Variants in TMEM130 observed in about 807,000 individuals in gnomAD.
The protein encoded by TMEM130 is transmembrane protein 130.
TMEM130 carries 37 observed loss-of-function variants against 42.9 expected under a neutral mutation model. The ratio of observed to expected loss-of-function variants is 0.86; its 90% CI spans 0.66 to 1.13. The LOEUF (loss-of-function observed/expected upper bound fraction) is 1.13, where lower values mean the gene tolerates loss of function less well. Ranked by LOEUF, TMEM130 falls within the 50% of genes most tolerant of loss-of-function variation. TMEM130 has a pLI of 0.00. For synonymous variants in TMEM130, 259 were observed against 237.7 expected, an observed-to-expected ratio of 1.09 and a Z score of -0.82; for missense variants, 545 against 562.6, an observed-to-expected ratio of 0.97 and a Z score of 0.32.
chr7:98,850,271 A>ATTTTTTTTTTTTTTTTTTTTT (rs1290884464), intron 6 of TMEM130, among the ~76,000 whole-genome samples: 1 of 33,880 alleles, frequency 3.0e-5, no homozygotes, highest in African/African-American at 7.7e-5. Context: ...ATATATATAT[A>ATTTTTTTTTTTTTTTTTTTTT]TATTTTTTTT....
intron 1 of TMEM130, among the ~76,000 whole-genome samples, chr7:98,865,438 G>A (rs911986494): frequency 2.6e-5 from 4 of 152,048 alleles, no homozygotes; most frequent in South Asian, 2.1e-4. Context: ...AGAAACCCCC[G>A]TTTCTACTAA....
Position 98,869,914 on chromosome 7 carries a change from GGAGCTC to G in TMEM130, c.-59_-54del. 1 of 1,237,282 alleles carries G rather than the reference GGAGCTC, an allele frequency of 8.1e-7. No homozygotes were observed. The highest frequency in any genetic ancestry group is 1.0e-6 in the Non-Finnish European group (1 of 971,324). 76.6% of individuals were successfully genotyped at this position (1,237,282 alleles called of 1,614,324 possible). ...GGGCGGACGCGGAGGGAATGCAGCT[GGAGCTC>G]GAGAACTGCGGCGGTCGCTCCTCCG... On this transcript the variant is annotated 5_prime_UTR_variant, in exon 1 of 8. Coordinates refer to ENST00000339375, the MANE Select transcript of TMEM130 (RefSeq NM_152913.3). This position sits in a 1 kb window ranked among gnomAD's most constrained non-coding sequence, Gnocchi z 4.7.
rs1300772869 is a variant in TMEM130, at chr7:98,869,377, C to A, written c.85+400G>T. ...GCAAAAACGTTGCCCATCCCGTGCT[C>A]CCTGGGGGACTGGGGAATTGTGGCG... On this transcript the variant is annotated intron_variant, in intron 1 of 7. Coordinates refer to ENST00000339375, the MANE Select transcript of TMEM130 (RefSeq NM_152913.3). This position sits in a 1 kb window ranked among gnomAD's most constrained non-coding sequence, Gnocchi z 4.7. 2.1e-5 allele frequency: 25 copies of A among 1,197,784 alleles called. No individual in the cohort carries two copies. In the Admixed American group the frequency reaches 8.5e-4, roughly 41 times the overall value. The allele number at this position is 1,197,784 out of a possible 1,614,324, so 74.2% of individuals were successfully genotyped here. A position where few individuals can be genotyped will look rare whatever the true frequency, so the allele number is the denominator to read the frequency against.
chr7:98,855,352 C>T (rs1794604348), intron 4 of TMEM130, 28 bp from the exon 5 acceptor site: 2 of 1,595,908 alleles, frequency 1.3e-6, no homozygotes, highest in East Asian at 4.5e-5. Context: ...CCCCGTTAGA[C>T]CTGGTGGCTA....
At chr7:98,856,253 G>A in intron 3 of TMEM130, 70 bp from the exon 4 acceptor site, 1 of 1,491,142 alleles carries the variant, frequency 6.7e-7, no homozygotes, top group East Asian at 2.3e-5. Context: ...TAACTCAGAA[G>A]TGATTCATGG....
At position 98,869,258 on chromosome 7, in the gene TMEM130, A is replaced by G; in HGVS notation, c.85+519T>C. On this transcript the variant is annotated intron_variant, in intron 1 of 7. Coordinates refer to ENST00000339375, the MANE Select transcript of TMEM130 (RefSeq NM_152913.3). The surrounding 1 kb of genome is among the most constrained non-coding windows in gnomAD (Gnocchi z 4.7). ...TTTGGAAATCACCACCAGAGAGGAA[A>G]TGGCAGCCTGGCCTCCTGGGCTCTA... 7.8e-7 allele frequency: 1 copy of G among 1,288,934 alleles called. No individual in the cohort carries two copies. The highest frequency in any genetic ancestry group is 1.0e-6 in the Non-Finnish European group (1 of 988,656). 79.8% of individuals were successfully genotyped at this position (1,288,934 alleles called of 1,614,324 possible).
intron 2 of TMEM130, 22 bp downstream of exon 2, chr7:98,863,073 A>G (rs782013036): frequency 1.3e-6 from 2 of 1,596,196 alleles, no homozygotes; most frequent in South Asian, 1.1e-5. Flanking sequence ...AAGGCAAACT[A>G]GCAAATGGGA....
chr7:98,864,697 G>C (rs142535949), intron 1 of TMEM130, among the ~76,000 whole-genome samples: 1 of 151,814 alleles, frequency 6.6e-6, no homozygotes, highest in Non-Finnish European at 1.5e-5. Context: ...TCAGGAGTTC[G>C]AGACCAGCCT....
intron 4 of TMEM130, 126 bp from the exon 5 acceptor site, chr7:98,855,450 G>C (rs1199851281): frequency 1.2e-6 from 1 of 809,664 alleles, no homozygotes; most frequent in Non-Finnish European, 1.9e-6. Flanking sequence ...GCAGGCCACA[G>C]GTCTGTGCGG....
In TMEM130 at chr7:98,848,107, G is replaced by C; in HGVS notation, c.1221C>G (p.Asn407Lys). Residue 407 changes from asparagine (N) to lysine (K), a missense_variant, in exon 8 of 8, where the codon AAC becomes AAG. Asn to Lys is a moderately conservative substitution (Grantham distance 94, BLOSUM62 0). Coordinates refer to ENST00000339375, the MANE Select transcript of TMEM130 (RefSeq NM_152913.3). The part of the protein sequence containing the change: ...PSEYLEIVRE[N>K]HGLLPPLYKS... ...TATAGAGGGGCGGGAGCAGCCCGTGGTTCTCACGAACAATTTCCAGGTACT... is the reference window on the plus strand; with the variant it reads ...TATAGAGGGGCGGGAGCAGCCCGTGCTTCTCACGAACAATTTCCAGGTACT... 1 of 1,614,140 alleles carries C rather than the reference G, an allele frequency of 6.2e-7. No homozygotes were observed. Among genetic ancestry groups the C allele is most frequent in the South Asian group, 1.1e-5 (1 of 91,088 alleles).
chr7:98,862,702 G>T (rs1204694373), intron 2 of TMEM130, among the ~76,000 whole-genome samples: 1 of 152,032 alleles, frequency 6.6e-6, no homozygotes, highest in Non-Finnish European at 1.5e-5. Context: ...GTTTTGTCAT[G>T]CTGGCCAGAT....
chr7:98,847,887 CAG>C lies in TMEM130; in HGVS notation c.*167_*168del. 1.6e-6 allele frequency: 1 copy of C among 630,922 alleles called. No homozygotes were observed. Among genetic ancestry groups the C allele is most frequent in the African/African-American group, 1.8e-5 (1 of 54,358 alleles). 39.1% of individuals were successfully genotyped at this position (630,922 alleles called of 1,614,324 possible). On this transcript the variant is annotated 3_prime_UTR_variant, in exon 8 of 8. Coordinates refer to ENST00000339375, the MANE Select transcript of TMEM130 (RefSeq NM_152913.3). ...GGTGAATGGCTGGGGTCAGGGGTGA[CAG>C]AGAGGGAGGGGCTTGTGGCAGTGGC...
At chr7:98,865,606 C>CA (rs142797823) in intron 1 of TMEM130, among the ~76,000 whole-genome samples, 1 of 151,970 alleles carries the variant, frequency 6.6e-6, no homozygotes, top group Non-Finnish European at 1.5e-5. Context: ...GAAACTGTCT[C>CA]AAAAAAATTT....
At chr7:98,848,367 G>T in intron 7 of TMEM130, 159 bp from the exon 8 acceptor site, 2 of 863,652 alleles carry the variant, frequency 2.3e-6, no homozygotes, top group Non-Finnish European at 3.6e-6. Context: ...CCACACAGAT[G>T]CAAGAGATGG....
intron 1 of TMEM130, among the ~76,000 whole-genome samples, chr7:98,867,827 CAGGGG>C (rs1472409264): frequency 9.2e-5 from 14 of 152,202 alleles, no homozygotes; most frequent in African/African-American, 2.7e-4. Context: ...CCCTGTTCCT[CAGGGG>C]TCTCAGGGAT....
At chr7:98,862,487 C>CTTTTT (rs57165730) in intron 2 of TMEM130, among the ~76,000 whole-genome samples, 8 of 65,784 alleles carry the variant, frequency 1.2e-4, no homozygotes, top group African/African-American at 3.8e-4. Flanking sequence ...ACAATAATTT[C>CTTTTT]TTTTTTTTTT....
At chr7:98,862,233 A>C (rs1554399864) in intron 2 of TMEM130, among the ~76,000 whole-genome samples, 1 of 151,704 alleles carries the variant, frequency 6.6e-6, no homozygotes, top group Non-Finnish European at 1.5e-5. Flanking sequence ...AATGAGAGAG[A>C]GAGAGAGAGA....
In TMEM130 at chr7:98,863,158, T is replaced by A; in HGVS notation, c.328A>T (p.Thr110Ser). Reference protein sequence around the residue: ...PGEFPVSVWVTAADCWMCQPV... With the variant: ...PGEFPVSVWVSAADCWMCQPV... The stretch of plus-strand genomic sequence containing the variant: ...TGGCACATCCAGCAGTCAGCGGCAG[T>A]GACCCAGACAGAGACCGGGAATTCC... Residue 110 changes from threonine to serine, a missense_variant, in exon 2 of 8, where the codon ACT becomes TCT. Thr to Ser is a moderately conservative substitution (Grantham distance 58). Coordinates refer to ENST00000339375, the MANE Select transcript of TMEM130 (RefSeq NM_152913.3). The A allele has an allele frequency of 6.2e-7, 1 of 1,614,050 alleles. No individual in the cohort carries two copies. Among genetic ancestry groups the A allele is most frequent in the Non-Finnish European group, 8.5e-7 (1 of 1,180,046 alleles).
intron 1 of TMEM130, among the ~76,000 whole-genome samples, chr7:98,868,762 ATTTTCT>A (rs1219938534): frequency 5.3e-5 from 8 of 152,130 alleles, no homozygotes; most frequent in Non-Finnish European, 8.8e-5. Context: ...TTTTGTTATT[ATTTTCT>A]TTTTCTTTTG....
Sources: allele counts gnomAD v4.1 joint callset (sites outside exome capture counted in the v4.1 genomes callset), GRCh38; gene constraint gnomAD v4.1.1; non-coding constraint Gnocchi (gnomAD v3.1); transcripts MANE v1.5; gene names NCBI Gene and HGNC (gene_info 2026-07-23, HGNC 2026-07-21).